CTNNA3: variants seen among roughly 807,000 people sequenced by gnomAD.
CTNNA3 encodes catenin alpha 3, also known as catenin alpha-3.
A neutral mutation model predicts 95.7 loss-of-function variants in CTNNA3; 76 were observed. That is an observed-to-expected ratio of 0.79 (90% CI 0.66 to 0.96). The LOEUF (loss-of-function observed/expected upper bound fraction) is 0.96. CTNNA3 is among the 40% of genes least tolerant of loss of function. The pLI, the probability that CTNNA3 is intolerant of heterozygous loss-of-function variation, is 0.00. For synonymous variants in CTNNA3, 431 were observed against 374.4 expected (o/e 1.15, Z -1.74); for missense variants, 1,191 against 1,089.8 (o/e 1.09, Z -1.31).
chr10:66,280,755 T>A (rs1471633173), intron 12 of CTNNA3, 134 bp from the exon 13 acceptor site: 1 of 592,724 alleles, frequency 1.7e-6, no homozygotes, highest in Non-Finnish European at 2.7e-6. Context: ...TTTTTAAATA[T>A]AGAGATACAC....
intron 15 of CTNNA3, among the ~76,000 whole-genome samples, chr10:66,042,477 A>G (rs1158615218): frequency 6.6e-6 from 1 of 152,126 alleles, no homozygotes; most frequent in Non-Finnish European, 1.5e-5. Context: ...TGACTGAGAG[A>G]TGGAAGAAGC....
intron 11 of CTNNA3, among the ~76,000 whole-genome samples, chr10:66,431,641 C>CA (rs2093296699): frequency 6.6e-6 from 1 of 150,890 alleles, no homozygotes; most frequent in Non-Finnish European, 1.5e-5. Flanking sequence ...CAAACTGTCG[C>CA]AAGGACAAAA....
intron 13 of CTNNA3, among the ~76,000 whole-genome samples, chr10:66,193,699 TC>T (rs2086796937): frequency 6.6e-6 from 1 of 152,200 alleles, no homozygotes; most frequent in South Asian, 2.1e-4. Context: ...TTATCTTTAT[TC>T]CTGTTGCTTG....
intron 11 of CTNNA3, among the ~76,000 whole-genome samples, chr10:66,503,023 T>A (rs1020361597): frequency 6.6e-6 from 1 of 152,188 alleles, no homozygotes; most frequent in Admixed American, 6.5e-5. Context: ...GTTAACTATA[T>A]AGTCTATTAT....
intron 3 of CTNNA3, among the ~76,000 whole-genome samples, chr10:67,564,603 TG>T (rs1164679366): frequency 7.2e-6 from 1 of 139,200 alleles, no homozygotes; most frequent in Non-Finnish European, 1.5e-5. Flanking sequence ...GTAACAAACC[TG>T]CACGTTGTGC....
chr10:66,835,204 A>G (rs1842848065), intron 7 of CTNNA3, among the ~76,000 whole-genome samples: 1 of 135,090 alleles, frequency 7.4e-6, no homozygotes, highest in Non-Finnish European at 1.5e-5. Context: ...CCCTCCTTAA[A>G]GAAAAATTAC....
chr10:67,196,614 G>A (rs574403565), intron 6 of CTNNA3, among the ~76,000 whole-genome samples: 8 of 152,072 alleles, frequency 5.3e-5, no homozygotes, highest in South Asian at 4.1e-4. Flanking sequence ...AGGTAGTAAC[G>A]TCTTCTCCTA....
intron 5 of CTNNA3, among the ~76,000 whole-genome samples, chr10:67,491,711 C>A (rs542648370): frequency 1.4e-4 from 22 of 152,214 alleles, no homozygotes; most frequent in African/African-American, 5.1e-4. Flanking sequence ...GAACCAGAAC[C>A]ATTGAAGGAT....
chr10:67,466,662 G>A (rs1171011187), intron 5 of CTNNA3, among the ~76,000 whole-genome samples: 1 of 152,070 alleles, frequency 6.6e-6, no homozygotes, highest in Admixed American at 6.6e-5. Flanking sequence ...GGGAAATGAG[G>A]GTAGAGAAAT....
intron 13 of CTNNA3, among the ~76,000 whole-genome samples, chr10:66,165,641 A>G (rs1345485368): frequency 6.6e-6 from 1 of 152,134 alleles, no homozygotes; most frequent in African/African-American, 2.4e-5. Context: ...TTTATTTACA[A>G]AGAGAAGGCA....
At chr10:67,180,591 T>C (rs1012068539) in intron 6 of CTNNA3, 71 bp from the exon 7 acceptor site, 1 of 1,317,938 alleles carries the variant, frequency 7.6e-7, no homozygotes, top group African/African-American at 1.5e-5. Context: ...AAATGTTATT[T>C]TGTTTTTGCA....
rs2076979971 is a variant in CTNNA3 at position 65,914,208 on chromosome 10, A to C, written c.*6122T>G. On this transcript the variant is annotated 3_prime_UTR_variant, in exon 18 of 18. Coordinates refer to ENST00000433211, the MANE Select transcript of CTNNA3 (RefSeq NM_013266.4). ...TTAGAAATCTGAGCCTTTTTGAAAG[A>C]GAATTTTCTCCTTGAGGGCTTTCCT... The C allele has an allele frequency of 1.3e-5, 2 of 152,142 alleles. No individual in the cohort carries two copies. The highest frequency in any genetic ancestry group is 2.9e-5 in the Non-Finnish European group (2 of 68,006). The allele number at this position is 152,142 out of a possible 1,614,324, so 9.4% of individuals were successfully genotyped here.
chr10:67,647,604 A>C, intron 1 of CTNNA3, 86 bp from the exon 2 acceptor site: 1 of 1,040,960 alleles, frequency 9.6e-7, no homozygotes, highest in Non-Finnish European at 1.4e-6. Flanking sequence ...AATAGGTAAA[A>C]CTTGTATTCA....
At chr10:67,740,961 A>C (rs1485716983) in intron 1 of CTNNA3, among the ~76,000 whole-genome samples, 1 of 151,466 alleles carries the variant, frequency 6.6e-6, no homozygotes, top group Non-Finnish European at 1.5e-5. Flanking sequence ...CATATACACC[A>C]TGGAATACTA....
chr10:66,046,424 C>G (rs532552348), intron 15 of CTNNA3, among the ~76,000 whole-genome samples: 1 of 152,036 alleles, frequency 6.6e-6, no homozygotes, highest in Non-Finnish European at 1.5e-5. Flanking sequence ...GAGGTTAGAC[C>G]CCCATACATA....
rs895312855 is a variant in CTNNA3, at chr10:67,564,499, G to C, written c.293-24830C>G. On this transcript the variant is annotated intron_variant, in intron 3 of 17. Coordinates refer to ENST00000433211, the MANE Select transcript of CTNNA3 (RefSeq NM_013266.4). Reference sequence around the variant, plus strand: ...CACACACTGGGGCCTGTCATGGGGTGGGGGGAGGGGGGATGGATAGCACTG... The same window carrying C: ...CACACACTGGGGCCTGTCATGGGGTCGGGGGAGGGGGGATGGATAGCACTG... Among the ~76,000 whole-genome samples, 216 of 91,988 alleles carry C rather than the reference G, an allele frequency of 2.3e-3. 1 individual carries two copies. Among genetic ancestry groups the C allele is most frequent in the African/African-American group, 8.8e-3 (199 of 22,674 alleles). The allele number at this position is 91,988 out of a possible 152,430, so 60.3% of individuals were successfully genotyped here.
intron 2 of CTNNA3, among the ~76,000 whole-genome samples, chr10:67,615,912 C>T (rs1234478847): frequency 1.3e-5 from 2 of 152,204 alleles, no homozygotes; most frequent in East Asian, 3.9e-4. Flanking sequence ...GATCCACCTG[C>T]CTCGGCCTCT....
chr10:67,397,483 C>G (rs1844749037), intron 5 of CTNNA3, among the ~76,000 whole-genome samples: 1 of 152,108 alleles, frequency 6.6e-6, no homozygotes, highest in Non-Finnish European at 1.5e-5. Flanking sequence ...GAATAAATTT[C>G]TAAGTGACAA....
At chr10:66,497,927 C>A (rs1441920012) in intron 11 of CTNNA3, among the ~76,000 whole-genome samples, 2 of 152,078 alleles carry the variant, frequency 1.3e-5, no homozygotes, top group Non-Finnish European at 1.5e-5. Context: ...TTGGATTGTC[C>A]TTTTAGGAAA....
Sources: gnomAD v4.1 joint callset for allele counts (sites outside exome capture counted in the v4.1 genomes callset) on GRCh38, gnomAD v4.1.1 for gene constraint, MANE v1.5 for transcripts, NCBI Gene and HGNC (gene_info 2026-07-23, HGNC 2026-07-21) for gene names.